The following CHSY3 variants were observed in gnomAD, a reference collection of about 807,000 sequenced individuals.
CHSY3 encodes the protein chondroitin sulfate synthase 3, also known as N-acetylgalactosaminyl-proteoglycan 3-beta-glucuronosyltransferase 3.
In CHSY3, 35 loss-of-function variants were observed where a neutral mutation model predicts 67.2. That is an observed-to-expected ratio of 0.52 (90% CI 0.40 to 0.69). The LOEUF is 0.69. Among genes scored for constraint, CHSY3 ranks in the 30% least tolerant of loss-of-function variants. CHSY3 has a pLI of 0.00. For missense variants in CHSY3, 1,069 were observed against 1,138.5 expected, an observed-to-expected ratio of 0.94 and a Z score of 0.88; for synonymous variants, 474 against 434.7, an observed-to-expected ratio of 1.09 and a Z score of -1.12.
At position 129,932,543 on chromosome 5, in the gene CHSY3, A is replaced by G. The variant is rs113438361; in HGVS notation, c.1086+24183A>G. Among the ~76,000 whole-genome samples, 683 of 152,226 alleles carry G rather than the reference A, an allele frequency of 4.5e-3. 7 individuals carry two copies. Among genetic ancestry groups the G allele is most frequent in the African/African-American group, 0.014 (597 of 41,552 alleles). On this transcript the variant is annotated intron_variant, in intron 2 of 2. Coordinates refer to ENST00000305031, the MANE Select transcript of CHSY3 (RefSeq NM_175856.5). ...ACACATAAATTTACCCATCACACCT[A>G]TATTATCTACAAAGGATTAATAATA...
At chr5:130,008,843 A>G (rs1332171063) in intron 2 of CHSY3, among the ~76,000 whole-genome samples, 1 of 152,204 alleles carries the variant, frequency 6.6e-6, no homozygotes, top group Non-Finnish European at 1.5e-5. Context: ...AGCAGAGCAG[A>G]GGTAAGGTGA....
intron 2 of CHSY3, among the ~76,000 whole-genome samples, chr5:129,975,229 A>AAAAT (rs1230444974): frequency 3.3e-5 from 5 of 152,202 alleles, no homozygotes; most frequent in African/African-American, 4.8e-5. Flanking sequence ...AGTATAATAA[A>AAAAT]AAATAAATAA....
intron 2 of CHSY3, among the ~76,000 whole-genome samples, chr5:130,162,186 TC>T: frequency 6.6e-6 from 1 of 152,234 alleles, no homozygotes; most frequent in South Asian, 2.1e-4. Context: ...AAAAAGTCAT[TC>T]CTCGATTTGT....
intron 2 of CHSY3, among the ~76,000 whole-genome samples, chr5:130,164,202 C>A (rs1379746404): frequency 6.6e-6 from 1 of 152,122 alleles, no homozygotes; most frequent in Non-Finnish European, 1.5e-5. Context: ...CTATATCTTC[C>A]TTGAGGATTA....
chr5:129,906,607 C>G (rs993673651), intron 1 of CHSY3, among the ~76,000 whole-genome samples: 1 of 152,150 alleles, frequency 6.6e-6, no homozygotes, highest in Non-Finnish European at 1.5e-5. Context: ...CTAAACTCAG[C>G]GGATCAAAGT....
chr5:130,114,446 C>T (rs1767713567), intron 2 of CHSY3: 1 of 151,894 alleles, frequency 6.6e-6, no homozygotes, highest in South Asian at 2.1e-4. Context: ...CTCGTCTGAT[C>T]CTGGAAGCTA....
intron 2 of CHSY3, among the ~76,000 whole-genome samples, chr5:130,101,932 A>G (rs1209198956): frequency 6.6e-6 from 1 of 152,142 alleles, no homozygotes; most frequent in Non-Finnish European, 1.5e-5. Context: ...AAAGGAGTAG[A>G]TTATTTCCAA....
chr5:129,966,487 GA>G (rs1762471711), intron 2 of CHSY3, among the ~76,000 whole-genome samples: 1 of 151,714 alleles, frequency 6.6e-6, no homozygotes, highest in African/African-American at 2.4e-5. Context: ...AGGCTGTTAT[GA>G]GCATTAAATT....
In CHSY3 at chr5:130,106,433, G is replaced by A. The variant is rs574064203; in HGVS notation, c.1087-77796G>A. Among the ~76,000 whole-genome samples the A allele has an allele frequency of 2.0e-5, 3 of 151,668 alleles. No homozygotes were observed. The South Asian group carries it at 6.2e-4, about 31-fold the overall frequency. ...CCAGTTATGTAAAACACCTACTTTTGTGTGCTAGGCATTGGGGATACAGCA... is the reference window on the plus strand; with the variant it reads ...CCAGTTATGTAAAACACCTACTTTTATGTGCTAGGCATTGGGGATACAGCA... On this transcript the variant is annotated intron_variant, in intron 2 of 2. Transcript: ENST00000305031.
intron 2 of CHSY3, among the ~76,000 whole-genome samples, chr5:130,026,756 T>C (rs1764554284): frequency 1.3e-5 from 2 of 152,170 alleles, no homozygotes; most frequent in Admixed American, 1.3e-4. Flanking sequence ...GCTTGGCATA[T>C]TAATCTATTT....
At chr5:130,178,341 C>T (rs1237889914) in intron 2 of CHSY3, among the ~76,000 whole-genome samples, 2 of 146,752 alleles carry the variant, frequency 1.4e-5, no homozygotes, top group Admixed American at 6.8e-5. Context: ...CTGCAAGCTC[C>T]GCCTCTCGGG....
intron 2 of CHSY3, among the ~76,000 whole-genome samples, chr5:129,985,914 G>A (rs575170403): frequency 1.3e-5 from 2 of 152,240 alleles, no homozygotes; most frequent in East Asian, 3.9e-4. Context: ...ATATCCAAGA[G>A]CCTTTGGGGA....
chr5:130,079,883 A>G (rs964493236), intron 2 of CHSY3, among the ~76,000 whole-genome samples: 1 of 152,094 alleles, frequency 6.6e-6, no homozygotes, highest in African/African-American at 2.4e-5. Context: ...TTTATCAATA[A>G]AAGGCTAACA....
At chr5:129,939,383 A>G (rs182883309) in intron 2 of CHSY3, among the ~76,000 whole-genome samples, 156 of 152,310 alleles carry the variant, frequency 1.0e-3, no homozygotes, top group Non-Finnish European at 1.8e-3. Context: ...TTAAGTCATA[A>G]TGAAGATTAG....
chr5:130,066,408 C>T (rs183246979), intron 2 of CHSY3, among the ~76,000 whole-genome samples: 6 of 152,074 alleles, frequency 3.9e-5, no homozygotes, highest in South Asian at 2.1e-4. Context: ...GTGACTCTTC[C>T]GGAGGCTCAC....
chr5:130,173,128 T>A (rs1456831575), intron 2 of CHSY3, among the ~76,000 whole-genome samples: 1 of 152,142 alleles, frequency 6.6e-6, no homozygotes, highest in Non-Finnish European at 1.5e-5. Context: ...TTCAAAATAC[T>A]GGACTCACCA....
intron 2 of CHSY3, among the ~76,000 whole-genome samples, chr5:130,073,617 C>A (rs1189018991): frequency 6.6e-6 from 1 of 151,986 alleles, no homozygotes; most frequent in Non-Finnish European, 1.5e-5. Context: ...TTAGTATGGT[C>A]ACTTTGAAAA....
intron 2 of CHSY3, among the ~76,000 whole-genome samples, chr5:130,091,465 A>T (rs1351643335): frequency 6.6e-6 from 1 of 152,216 alleles, no homozygotes; most frequent in Non-Finnish European, 1.5e-5. Flanking sequence ...TCATTGCCTT[A>T]TCTGCAAAAC....
At chr5:130,040,863 T>C (rs1207091943) in intron 2 of CHSY3, among the ~76,000 whole-genome samples, 1 of 152,108 alleles carries the variant, frequency 6.6e-6, no homozygotes, top group African/African-American at 2.4e-5. Context: ...GAGGCCCCTA[T>C]ATGGTTCAAT....
Sources: gnomAD v4.1 joint callset for allele counts (sites outside exome capture counted in the v4.1 genomes callset) on GRCh38, gnomAD v4.1.1 for gene constraint, MANE v1.5 for transcripts, NCBI Gene and HGNC (gene_info 2026-07-23, HGNC 2026-07-21) for gene names.